The following TTLL5 variants were observed in gnomAD, a reference collection of about 807,000 sequenced individuals.
The protein encoded by TTLL5 is tubulin tyrosine ligase like 5, also known as tubulin polyglutamylase TTLL5.
Under a neutral mutation model 168.4 loss-of-function variants are expected in TTLL5, and 132 were observed. The observed-to-expected ratio is 0.78, with a 90% confidence interval of 0.68 to 0.91. TTLL5 has a LOEUF of 0.91. TTLL5 is among the 40% of genes least tolerant of loss of function. The pLI, the probability that TTLL5 is intolerant of heterozygous loss-of-function variation, is 0.00. For synonymous variants in TTLL5, 546 were observed against 558.6 expected, an observed-to-expected ratio of 0.98 and a Z score of 0.32; for missense variants, 1,545 against 1,581.5, an observed-to-expected ratio of 0.98 and a Z score of 0.39.
intron 31 of TTLL5, among the ~76,000 whole-genome samples, chr14:75,942,239 AGCACTG>A (rs2034632456): frequency 6.6e-6 from 1 of 152,088 alleles, no homozygotes; most frequent in African/African-American, 2.4e-5. Context: ...GAGTGGTAGA[AGCACTG>A]GCCTGGAAGT....
chr14:75,811,779 A>G (rs957983428), intron 27 of TTLL5, among the ~76,000 whole-genome samples: 2 of 152,184 alleles, frequency 1.3e-5, no homozygotes, highest in African/African-American at 2.4e-5. Flanking sequence ...AACCCTCTTC[A>G]CATACCAAAA....
At chr14:75,671,387 C>T (rs904667804) in intron 3 of TTLL5, among the ~76,000 whole-genome samples, 4 of 152,156 alleles carry the variant, frequency 2.6e-5, no homozygotes, top group Non-Finnish European at 5.9e-5. Context: ...GGGTCCCTTG[C>T]AATTCCATAT....
At chr14:75,683,872 C>G in intron 5 of TTLL5, 1 of 392,082 alleles carries the variant, frequency 2.6e-6, no homozygotes, top group Non-Finnish European at 4.8e-6. Context: ...CTCCTGAGTT[C>G]AAGCAATTCT....
At chr14:75,903,000 T>C (rs1242753086) in intron 31 of TTLL5, among the ~76,000 whole-genome samples, 37 of 152,202 alleles carry the variant, frequency 2.4e-4, no homozygotes, top group South Asian at 2.1e-4. Context: ...CTGAGACACA[T>C]AGAATAACAA....
At chr14:75,690,981 T>C (rs1157089187) in intron 6 of TTLL5, among the ~76,000 whole-genome samples, 1 of 152,214 alleles carries the variant, frequency 6.6e-6, no homozygotes, top group African/African-American at 2.4e-5. Flanking sequence ...GTATCCCTTT[T>C]TCGCTTGCCA....
intron 9 of TTLL5, chr14:75,710,129 T>C (rs2140179091): frequency 6.6e-6 from 1 of 152,300 alleles, no homozygotes; most frequent in South Asian, 2.1e-4. Flanking sequence ...TGTGCTTCAC[T>C]GTTTCTCAAG....
intron 28 of TTLL5, among the ~76,000 whole-genome samples, chr14:75,850,534 T>C (rs1896790669): frequency 6.6e-6 from 1 of 151,916 alleles, no homozygotes; most frequent in African/African-American, 2.4e-5. Flanking sequence ...TATCAATGAA[T>C]TTATTCATTC....
chr14:75,952,933 A>C (rs2035006719), intron 31 of TTLL5, among the ~76,000 whole-genome samples: 1 of 152,192 alleles, frequency 6.6e-6, no homozygotes, highest in Non-Finnish European at 1.5e-5. Context: ...TCTAAAATTG[A>C]CTATGATGAC....
At position 75,735,245 on chromosome 14, in the gene TTLL5, C is replaced by T. The variant is rs1167193027; in HGVS notation, c.1237C>T (p.Pro413Ser). The T allele has an allele frequency of 1.2e-6, 2 of 1,614,210 alleles. No individual in the cohort carries two copies. Among genetic ancestry groups the T allele is most frequent in the Admixed American group, 3.3e-5 (2 of 60,034 alleles). The change falls in exon 15 of 32, where the codon CCC becomes TCC. Residue 413 changes from proline to serine, a missense_variant. Pro to Ser is a moderately conservative substitution (Grantham distance 74). Coordinates refer to ENST00000298832, the MANE Select transcript of TTLL5 (RefSeq NM_015072.5). The stretch of plus-strand genomic sequence containing the variant: ...GCGGGCATCAACTCGGCCAATTTAT[C>T]CCACCTTTGAGTCTTCCAGGCGAAA... ...AQRASTRPIY[P>S]TFESSRRNPF...
chr14:75,912,655 A>T (rs2033439414), intron 31 of TTLL5, among the ~76,000 whole-genome samples: 1 of 152,234 alleles, frequency 6.6e-6, no homozygotes, highest in Non-Finnish European at 1.5e-5. Flanking sequence ...TCTCACAATC[A>T]AAAAGGAAGA....
chr14:75,860,591 G>A (rs904898456), intron 28 of TTLL5, among the ~76,000 whole-genome samples: 2 of 152,232 alleles, frequency 1.3e-5, no homozygotes, highest in African/African-American at 2.4e-5. Flanking sequence ...TGGATTCAAA[G>A]CAGCACCTGC....
chr14:75,681,399 T>C (rs1028663913), intron 3 of TTLL5, 146 bp from the exon 4 acceptor site: 65 of 619,418 alleles, frequency 1.0e-4, no homozygotes, highest in Admixed American at 4.5e-4. Flanking sequence ...TAAGAACTCA[T>C]GGTCCAAAAT....
At chr14:75,842,193 T>C (rs1896296317) in intron 28 of TTLL5, among the ~76,000 whole-genome samples, 1 of 152,210 alleles carries the variant, frequency 6.6e-6, no homozygotes, top group African/African-American at 2.4e-5. Flanking sequence ...CCAAAAAGCC[T>C]ATCCCAGTAT....
intron 29 of TTLL5, among the ~76,000 whole-genome samples, chr14:75,877,471 G>C (rs866639507): frequency 1.3e-5 from 2 of 152,114 alleles, no homozygotes; most frequent in South Asian, 4.1e-4. Context: ...TTTGCCTGGG[G>C]CCAAGCCAAC....
chr14:75,783,641 G>A (rs939829156), intron 26 of TTLL5, 111 bp downstream of exon 26: 1 of 1,397,260 alleles, frequency 7.2e-7, no homozygotes, highest in South Asian at 1.4e-5. Context: ...AATGGAAATG[G>A]ACACACACTG....
chr14:75,950,422 GT>G (rs2034925493), intron 31 of TTLL5, among the ~76,000 whole-genome samples: 1 of 152,190 alleles, frequency 6.6e-6, no homozygotes. Context: ...ATTTGACCTG[GT>G]TAAAATTAAG....
chr14:75,906,148 G>A (rs2033138635), intron 31 of TTLL5, among the ~76,000 whole-genome samples: 2 of 152,172 alleles, frequency 1.3e-5, no homozygotes, highest in African/African-American at 4.8e-5. Flanking sequence ...ACCCTGTGGA[G>A]CCAAAACCCT....
At chr14:75,883,877 A>G (rs2031952796) in intron 30 of TTLL5, among the ~76,000 whole-genome samples, 1 of 152,226 alleles carries the variant, frequency 6.6e-6, no homozygotes, top group African/African-American at 2.4e-5. Context: ...TGCCAGTAGC[A>G]AAATAGGAAA....
At chr14:75,841,007 G>A (rs1351351953) in intron 28 of TTLL5, among the ~76,000 whole-genome samples, 2 of 152,176 alleles carry the variant, frequency 1.3e-5, no homozygotes, top group African/African-American at 4.8e-5. Flanking sequence ...CATGGCAAGA[G>A]CAGGGGCAAG....
Sources: allele counts gnomAD v4.1 joint callset (sites outside exome capture counted in the v4.1 genomes callset), GRCh38; gene constraint gnomAD v4.1.1; transcripts MANE v1.5; gene names NCBI Gene and HGNC (gene_info 2026-07-23, HGNC 2026-07-21).